Variants in ITPRIPL1 observed in about 807,000 individuals in gnomAD.
The protein encoded by ITPRIPL1 is ITPRIP like 1, also known as inositol 1,4,5-trisphosphate receptor-interacting protein-like 1.
A neutral mutation model predicts 40.0 loss-of-function variants in ITPRIPL1; 28 were observed. That is an observed-to-expected ratio of 0.70 (90% CI 0.52 to 0.96). The LOEUF is 0.96. Ranked by LOEUF, ITPRIPL1 falls within the 40% of genes least tolerant of loss-of-function variation. The probability of loss-of-function intolerance (pLI) is 0.00; values close to 1 mark genes in which losing one functional copy is unlikely to be tolerated. For missense variants in ITPRIPL1, 638 were observed against 698.0 expected (o/e 0.91, Z 0.97); for synonymous variants, 251 against 275.7 (o/e 0.91, Z 0.89).
At position 96,328,032 on chromosome 2, in the gene ITPRIPL1, C is replaced by T; in HGVS notation, c.1401C>T (p.His467=). Residue 467 remains histidine (H), a synonymous_variant, in exon 3 of 3, where the codon CAC becomes CAT. Coordinates refer to ENST00000439118, the MANE Select transcript of ITPRIPL1 (RefSeq NM_001008949.3). ...GGCTGCCCCTCACGGACTGGGCCCA[C>T]AACATGCTCTCTCAGCGGCTCCAGG... ...LLRLPLTDWA[H]NMLSQRLQDI... 6.2e-7 allele frequency: 1 copy of T among 1,614,192 alleles called. No homozygotes were observed. The highest frequency in any genetic ancestry group is 8.5e-7 in the Non-Finnish European group (1 of 1,180,036).
In ITPRIPL1 at chr2:96,327,066, G is replaced by A; in HGVS notation, c.435G>A (p.Glu145=). Residue 145 remains glutamate, a synonymous_variant, in exon 3 of 3, where the codon GAG becomes GAA. Transcript: ENST00000439118. ...TTGATTCCAGCAGTGAGGAGGAGGA[G>A]GAGGAAGTCCGTGTTGTCCCTGTCA... The part of the protein sequence containing the change: ...PAFDSSSEEE[E]EEVRVVPVTS... 7 of 1,614,186 alleles carry A rather than the reference G, an allele frequency of 4.3e-6. No individual in the cohort carries two copies. The highest frequency in any genetic ancestry group is 2.2e-5 in the South Asian group (2 of 91,074).
In ITPRIPL1 at chr2:96,327,830, C is replaced by T; in HGVS notation, c.1199C>T (p.Ala400Val). ...TSVDWPESFV[A>V]CEHLFLKLVG... ...GTGGACTGGCCTGAGTCCTTTGTGG[C>T]CTGTGAGCACCTGTTCCTGAAGCTG... is the stretch of plus-strand genomic sequence containing the variant. Residue 400 changes from alanine (A) to valine (V), a missense_variant, in exon 3 of 3, where the codon GCC becomes GTC. Transcript: ENST00000439118. The T allele has an allele frequency of 6.2e-7, 1 of 1,614,140 alleles. No individual in the cohort carries two copies. The highest frequency in any genetic ancestry group is 8.5e-7 in the Non-Finnish European group (1 of 1,180,032).
chr2:96,325,591 G>A (rs2064098365), intron 1 of ITPRIPL1, 26 bp downstream of exon 1: 1 of 588,756 alleles, frequency 1.7e-6, no homozygotes, highest in East Asian at 2.8e-5. Flanking sequence ...CTGGGTCCCG[G>A]GAGACATCCC....
chr2:96,326,969 G>A lies in ITPRIPL1; in HGVS notation c.338G>A (p.Trp113Ter). The stretch of plus-strand genomic sequence containing the variant: ...CTGGGCTGGATGCTGGGAAACCTGT[G>A]GAACACTGGCCTCTTTTGCCTTTTT... ...GPLGWMLGNLWNTGLFCLFLV... is the reference protein window; with the variant it reads ...GPLGWMLGNL The change falls in exon 3 of 3, where the codon TGG (tryptophan) becomes TAG (stop). Residue 113 changes from tryptophan (W) to a stop codon, truncating the protein, a stop_gained. Coordinates refer to ENST00000439118, the MANE Select transcript of ITPRIPL1 (RefSeq NM_001008949.3). LOFTEE classifies it high-confidence loss of function. 1 of 1,614,220 alleles carries A rather than the reference G, an allele frequency of 6.2e-7. No individual in the cohort carries two copies. Among genetic ancestry groups the A allele is most frequent in the East Asian group, 2.2e-5 (1 of 44,888 alleles).
chr2:96,325,607 A>G (rs77576319), intron 1 of ITPRIPL1, 42 bp downstream of exon 1: 17,696 of 593,842 alleles, frequency 0.03, 548 homozygotes, highest in African/African-American at 0.12. Context: ...ATCCCGAGGT[A>G]GGATGGGCCC....
intron 2 of ITPRIPL1, chr2:96,326,358 G>C (rs2064106908): frequency 6.7e-7 from 1 of 1,502,084 alleles, no homozygotes; most frequent in Non-Finnish European, 8.9e-7. Context: ...ACACAGGAAT[G>C]AAAACAGTCC....
At position 96,326,482 on chromosome 2, in the gene ITPRIPL1, C is replaced by T. The variant is rs192593640; in HGVS notation, c.11-160C>T. ...TTTTCTCTCGAACCTCCTCCCAGGC[C>T]GACCACCCTTGCTGTGTCCAAGCCA... On this transcript the variant is annotated intron_variant, in intron 2 of 2. Transcript: ENST00000439118. 101 of 1,544,858 alleles carry T rather than the reference C, an allele frequency of 6.5e-5. 1 individual carries two copies. The East Asian group carries it at 1.9e-3, about 29-fold the overall frequency.
Position 96,327,722 on chromosome 2 carries a change from T to C in ITPRIPL1, c.1091T>C (p.Ile364Thr). The C allele has an allele frequency of 1.2e-6, 2 of 1,612,986 alleles. No homozygotes were observed. Among genetic ancestry groups the C allele is most frequent in the Non-Finnish European group, 8.5e-7 (1 of 1,179,574 alleles). Residue 364 changes from isoleucine (I) to threonine (T), a missense_variant, in exon 3 of 3, where the codon ATC becomes ACC. By Grantham distance (89) the Ile-to-Thr change is moderately conservative (BLOSUM62 -1). Coordinates refer to ENST00000439118, the MANE Select transcript of ITPRIPL1 (RefSeq NM_001008949.3). The stretch of plus-strand genomic sequence containing the variant: ...TATCGCTCAGGCCGCTTTCTCTCAA[T>C]CCACTTGGTCCTGGGGGTGCAACGA... ...LDYRSGRFLS[I>T]HLVLGVQRED... is the part of the protein sequence containing the mutation.
chr2:96,328,323 C>CA lies in ITPRIPL1; in HGVS notation c.*25dup. 6.5e-7 allele frequency: 1 copy of CA among 1,544,644 alleles called. No individual in the cohort carries two copies. The highest frequency in any genetic ancestry group is 1.2e-5 in the South Asian group (1 of 83,058). Reference sequence around the variant, plus strand: ...GATGTAAAGACCATTAAAAAAAAAACAGAGGAAGGTATTTCTAATTCCTTG... The same window carrying CA: ...GATGTAAAGACCATTAAAAAAAAAACAAGAGGAAGGTATTTCTAATTCCTTG... On this transcript the variant is annotated 3_prime_UTR_variant, in exon 3 of 3. Coordinates refer to ENST00000439118, the MANE Select transcript of ITPRIPL1 (RefSeq NM_001008949.3).
rs748537189 is a variant in ITPRIPL1 at position 96,327,940 on chromosome 2, C to G, written c.1309C>G (p.His437Asp). Residue 437 changes from histidine (H) to aspartate (D), a missense_variant, in exon 3 of 3, where the codon CAT becomes GAT. Transcript: ENST00000439118. Reference protein sequence around the residue: ...LSLRQHQSLPHGASRPILTSY... With the variant: ...LSLRQHQSLPDGASRPILTSY... The stretch of plus-strand genomic sequence containing the variant: ...TCTCCGGCAGCATCAGAGCTTACCC[C>G]ATGGAGCATCCCGCCCCATCCTCAC... The G allele has an allele frequency of 1.9e-6, 3 of 1,613,994 alleles. No homozygotes were observed. The highest frequency in any genetic ancestry group is 2.7e-5 in the African/African-American group (2 of 74,890).
Position 96,325,491 on chromosome 2 carries a change from C to G in ITPRIPL1, c.-168C>G, listed in dbSNP as rs1162682336. The G allele has an allele frequency of 1.0e-5, 4 of 398,436 alleles. No homozygotes were observed. The highest frequency in any genetic ancestry group is 2.0e-5 in the African/African-American group (1 of 48,980). The allele number at this position is 398,436 out of a possible 1,614,324, so 24.7% of individuals were successfully genotyped here. A position where few individuals can be genotyped will look rare whatever the true frequency, so the allele number is the denominator to read the frequency against. ...GCCCCAGCGATGAACCGGACGCCCC[C>G]ACCCTGCCGGGAAAAAAGCAGTGGC... On this transcript the variant is annotated 5_prime_UTR_variant, in exon 1 of 3. Coordinates refer to ENST00000439118, the MANE Select transcript of ITPRIPL1 (RefSeq NM_001008949.3).
In ITPRIPL1 at chr2:96,325,934, G is replaced by A. The variant is rs376475652; in HGVS notation, c.10+85G>A. 5 of 1,479,116 alleles carry A rather than the reference G, an allele frequency of 3.4e-6. No individual in the cohort carries two copies. In the African/African-American group the frequency reaches 4.2e-5, roughly 12 times the overall value. 91.6% of individuals were successfully genotyped at this position (1,479,116 alleles called of 1,614,324 possible). On this transcript the variant is annotated intron_variant, in intron 2 of 2. Transcript: ENST00000439118. The stretch of plus-strand genomic sequence containing the variant: ...TGGGGAGGCAGTGGAACTGACCACT[G>A]CCGGCTGTCAGGTAGGCCTTGGGCA...
At chr2:96,328,847 A>T (rs1410992400), downstream of ITPRIPL1, 1 of 153,006 alleles carries the variant, frequency 6.5e-6, no homozygotes, top group Non-Finnish European at 1.5e-5. Flanking sequence ...TTGAAAATAT[A>T]ACCAAGGCCG....
Position 96,325,395 on chromosome 2 carries a change from C to T in ITPRIPL1, c.-264C>T, listed in dbSNP as rs1336264168. Reference sequence around the variant, plus strand: ...GTCGTAGGGGCCCACCGCGCTCAGCCAGACGTTCAGACGCTCGGACAAGCA... The same window carrying T: ...GTCGTAGGGGCCCACCGCGCTCAGCTAGACGTTCAGACGCTCGGACAAGCA... On this transcript the variant is annotated 5_prime_UTR_variant, in exon 1 of 3. Transcript: ENST00000439118. The T allele has an allele frequency of 6.2e-6, 1 of 162,332 alleles. No individual in the cohort carries two copies. Among genetic ancestry groups the T allele is most frequent in the Non-Finnish European group, 1.3e-5 (1 of 74,276 alleles). 10.1% of individuals were successfully genotyped at this position (162,332 alleles called of 1,614,324 possible).
chr2:96,328,310 AT>A lies in ITPRIPL1; in HGVS notation c.*13del. 6.3e-7 allele frequency: 1 copy of A among 1,576,008 alleles called. No individual in the cohort carries two copies. The highest frequency in any genetic ancestry group is 8.6e-7 in the Non-Finnish European group (1 of 1,165,606). On this transcript the variant is annotated 3_prime_UTR_variant, in exon 3 of 3. Coordinates refer to ENST00000439118, the MANE Select transcript of ITPRIPL1 (RefSeq NM_001008949.3). ...GCTGCAGCACCTTGATGTAAAGACC[AT>A]TAAAAAAAAAACAGAGGAAGGTATT...
chr2:96,329,051 A>C (rs2064141460), downstream of ITPRIPL1: 2 of 150,354 alleles, frequency 1.3e-5, no homozygotes, highest in East Asian at 2.0e-4. Flanking sequence ...CACGAGAATC[A>C]CTTAAGCCCC....
chr2:96,328,151 C>G lies in ITPRIPL1; in HGVS notation c.1520C>G (p.Pro507Arg). 1 of 1,614,126 alleles carries G rather than the reference C, an allele frequency of 6.2e-7. No homozygotes were observed. The highest frequency in any genetic ancestry group is 8.5e-7 in the Non-Finnish European group (1 of 1,180,022). Residue 507 changes from proline (P) to arginine (R), a missense_variant, in exon 3 of 3, where the codon CCT becomes CGT. Transcript: ENST00000439118. ...TTTCTGCCCCTGACCATCCCAATCC[C>G]TAAGACATTTAGGAATGCTGAGCCG... ...NNFLPLTIPI[P>R]KTFRNAEPVN...
downstream of ITPRIPL1, chr2:96,330,317 C>T: frequency 6.7e-6 from 1 of 150,010 alleles, no homozygotes; most frequent in Non-Finnish European, 1.5e-5. Context: ...TTGGGGCTCC[C>T]AGTGCACAAT....
At position 96,327,301 on chromosome 2, in the gene ITPRIPL1, G is replaced by A. The variant is rs200130252; in HGVS notation, c.670G>A (p.Glu224Lys). 1.8e-5 allele frequency: 29 copies of A among 1,614,182 alleles called. No homozygotes were observed. The highest frequency in any genetic ancestry group is 1.3e-5 in the Non-Finnish European group (15 of 1,180,036). The change falls in exon 3 of 3, where the codon GAG becomes AAG. Residue 224 changes from glutamate to lysine, a missense_variant. Transcript: ENST00000439118. ...EDCLGIGAAF[E>K]KWGTLHETQK... Reference sequence around the variant, plus strand: ...CTGCCTGGGCATCGGGGCTGCCTTTGAGAAATGGGGAACCCTCCATGAGAC... The same window carrying A: ...CTGCCTGGGCATCGGGGCTGCCTTTAAGAAATGGGGAACCCTCCATGAGAC...
Sources: gnomAD v4.1 joint callset for allele counts on GRCh38, gnomAD v4.1.1 for gene constraint, MANE v1.5 for transcripts, NCBI Gene and HGNC (gene_info 2026-07-23, HGNC 2026-07-21) for gene names.